The following HLA-DQA1 variants were observed in gnomAD, a reference collection of about 807,000 sequenced individuals.
HLA-DQA1 encodes the protein HLA class II histocompatibility antigen, DQ alpha 1 chain.
In HLA-DQA1, 10 loss-of-function variants were observed where a neutral mutation model predicts 20.7. That is an observed-to-expected ratio of 0.48 (90% confidence interval 0.30 to 0.82). HLA-DQA1 has a LOEUF of 0.82. HLA-DQA1 is among the 40% of genes least tolerant of loss of function. The probability of loss-of-function intolerance (pLI) is 0.07; values close to 1 mark genes in which losing one functional copy is unlikely to be tolerated. For missense variants in HLA-DQA1, 127 were observed against 293.0 expected (o/e 0.43, Z 4.14); for synonymous variants, 39 against 109.2 (o/e 0.36, Z 4.01).
chr6:32,653,409 G>A, the HLA-DQA1 span, among the ~76,000 whole-genome samples: 3 of 94,070 alleles, frequency 3.2e-5, 1 homozygote, highest in Non-Finnish European at 4.7e-5. Flanking sequence ...GACTACAGGT[G>A]TGTGCCACCA....
Position 32,637,429 on chromosome 6 carries a change from A to C in HLA-DQA1, c.-30A>C. ...TCACAATTACTCTACAGCTCAGAAC[A>C]CCAACTGCTGAGGCTGCCTTGGGAA... On this transcript the variant is annotated 5_prime_UTR_variant, in exon 1 of 5. Coordinates refer to ENST00000343139, the MANE Select transcript of HLA-DQA1 (RefSeq NM_002122.5). 9.4e-7 allele frequency: 1 copy of C among 1,064,416 alleles called. No individual in the cohort carries two copies. Among genetic ancestry groups the C allele is most frequent in the Non-Finnish European group, 1.3e-6 (1 of 751,764 alleles). 65.9% of individuals were successfully genotyped at this position (1,064,416 alleles called of 1,614,324 possible).
the HLA-DQA1 span, among the ~76,000 whole-genome samples, chr6:32,652,941 T>C: frequency 2.0e-5 from 3 of 150,618 alleles, no homozygotes; most frequent in Non-Finnish European, 4.4e-5. Flanking sequence ...TCTGAAGCTG[T>C]AAGAGCCTTT....
downstream of HLA-DQA1, chr6:32,644,865 A>G (rs2150977869): frequency 7.4e-6 from 1 of 135,704 alleles, no homozygotes; most frequent in Non-Finnish European, 1.6e-5. Context: ...TGTTTATTCA[A>G]GGTATATCAT....
At chr6:32,649,346 TAGCAAAAAGAACAA>T (rs1238450796), downstream of HLA-DQA1, among the ~76,000 whole-genome samples, 43 of 96,814 alleles carry the variant, frequency 4.4e-4, 12 homozygotes, top group African/African-American at 1.4e-3. Context: ...GCTTAAAGCT[TAGCAAAAAGAACAA>T]AGCAAAAAGA....
At chr6:32,644,311 G>A (rs9273055), downstream of HLA-DQA1, 1 of 151,868 alleles carries the variant, frequency 6.6e-6, no homozygotes, top group Admixed American at 6.6e-5. Flanking sequence ...ATTTTAATTG[G>A]AGAAAAAATA....
At chr6:32,652,270 A>G in the HLA-DQA1 span, among the ~76,000 whole-genome samples, 2 of 70,386 alleles carry the variant, frequency 2.8e-5, 1 homozygote, top group South Asian at 9.4e-4. Context: ...ACAGAGGGAG[A>G]CTCCATCTCA....
chr6:32,645,373 C>T (rs1171942644), downstream of HLA-DQA1: 1 of 142,388 alleles, frequency 7.0e-6, no homozygotes, highest in Admixed American at 7.3e-5. Flanking sequence ...GAAACTATTC[C>T]ACCTCAGATC....
At chr6:32,642,912 C>G (rs9272843) in intron 4 of HLA-DQA1, 40 bp from the exon 5 acceptor site, 166,395 of 641,322 alleles carry the variant, frequency 0.26, 48,325 homozygotes, top group South Asian at 0.26. Context: ...GACACAGGAG[C>G]CCCCTCGGAC....
downstream of HLA-DQA1, chr6:32,646,874 G>GAGAAAGAAGAGAAGAGAAGGGAAGGGA (rs1554158131): frequency 2.2e-5 from 1 of 45,184 alleles, no homozygotes; most frequent in African/African-American, 7.3e-5. Flanking sequence ...TCAAGAGAGA[G>GAGAAAGAAGAGAAGAGAAGGGAAGGGA]AGAGAAGAGA....
At chr6:32,643,885 C>G (rs9273015), downstream of HLA-DQA1, 7 of 150,606 alleles carry the variant, frequency 4.6e-5, no homozygotes, top group Non-Finnish European at 7.4e-5. Context: ...GAGTAGAAGC[C>G]ACAGACATAT....
downstream of HLA-DQA1, among the ~76,000 whole-genome samples, chr6:32,648,399 C>G (rs1328894227): frequency 1.0e-4 from 10 of 96,042 alleles, 3 homozygotes; most frequent in African/African-American, 3.6e-4. Context: ...ACTGGCAAAC[C>G]AAATCCAGCA....
At chr6:32,638,522 T>G (rs77547678) in intron 1 of HLA-DQA1, among the ~76,000 whole-genome samples, 11,671 of 91,220 alleles carry the variant, frequency 0.13, 3,356 homozygotes, top group South Asian at 0.28. Flanking sequence ...AAAAGAAAAA[T>G]AAAAATTAGC....
downstream of HLA-DQA1, among the ~76,000 whole-genome samples, chr6:32,648,236 A>G (rs1284802777): frequency 1.0e-5 from 1 of 98,552 alleles, no homozygotes; most frequent in Non-Finnish European, 2.3e-5. Context: ...GAGAAAGCTC[A>G]TGTAACAGCA....
chr6:32,642,264 G>A lies in HLA-DQA1; in HGVS notation c.613+11G>A, dbSNP rs749486344. ...TTCTGAAACACTGGGGTAAGGATGAGTTTCATCATTTTTTGATTCTTTCTT... is the reference window on the plus strand; with the variant it reads ...TTCTGAAACACTGGGGTAAGGATGAATTTCATCATTTTTTGATTCTTTCTT... On this transcript the variant is annotated intron_variant, in intron 3 of 4. Transcript: ENST00000343139. 26 of 1,353,150 alleles carry A rather than the reference G, an allele frequency of 1.9e-5. 1 individual carries two copies. Among genetic ancestry groups the A allele is most frequent in the Non-Finnish European group, 2.7e-5 (26 of 977,210 alleles). The allele number at this position is 1,353,150 out of a possible 1,614,324, so 83.8% of individuals were successfully genotyped here.
intron 1 of HLA-DQA1, chr6:32,638,869 T>C (rs28383356): frequency 0.23 from 57,409 of 252,628 alleles, 13,487 homozygotes; most frequent in Admixed American, 0.36. Context: ...TCCATCTCTT[T>C]CCACCTCTCT....
Position 32,642,432 on chromosome 6 carries a change from C to T in HLA-DQA1, c.614-178C>T, listed in dbSNP as rs372722626. On this transcript the variant is annotated intron_variant, in intron 3 of 4. Transcript: ENST00000343139. The stretch of plus-strand genomic sequence containing the variant: ...CAGAGATTTATTGAAAATGAAAGTA[C>T]ACTCTACAGGATGGGAGTGGGCCTG... 1.2e-5 allele frequency: 8 copies of T among 655,120 alleles called. 2 individuals are homozygous for T. In the East Asian group the frequency reaches 2.2e-4, roughly 18 times the overall value. The allele number at this position is 655,120 out of a possible 1,614,324, so 40.6% of individuals were successfully genotyped here. A position where few individuals can be genotyped will look rare whatever the true frequency, so the allele number is the denominator to read the frequency against.
At position 32,642,825 on chromosome 6, in the gene HLA-DQA1, A is replaced by C; in HGVS notation, c.*20+41A>C. 2 of 1,005,290 alleles carry C rather than the reference A, an allele frequency of 2.0e-6. 1 individual carries two copies. The highest frequency in any genetic ancestry group is 2.8e-6 in the Non-Finnish European group (2 of 709,488). 62.3% of individuals were successfully genotyped at this position (1,005,290 alleles called of 1,614,324 possible). A position where few individuals can be genotyped will look rare whatever the true frequency, so the allele number is the denominator to read the frequency against. ...GTTACAGTTGAAGCGGCAGTATGAA[A>C]GGAAGGAAAGTGGGAGGGCGTTGTG... On this transcript the variant is annotated intron_variant, in intron 4 of 4. Coordinates refer to ENST00000343139, the MANE Select transcript of HLA-DQA1 (RefSeq NM_002122.5).
the HLA-DQA1 span, among the ~76,000 whole-genome samples, chr6:32,653,139 A>T: frequency 0.14 from 17,471 of 126,658 alleles, 1,339 homozygotes; most frequent in Middle Eastern, 0.34. Context: ...GCAATGAGAG[A>T]ATAAATCCTT....
chr6:32,643,405 T>G lies in HLA-DQA1; in HGVS notation c.*474T>G. ...GTAACACAGAAGCCACCAAGTACAGTATAGCCTGATAATATGTTGATTTCT... is the reference window on the plus strand; with the variant it reads ...GTAACACAGAAGCCACCAAGTACAGGATAGCCTGATAATATGTTGATTTCT... On this transcript the variant is annotated 3_prime_UTR_variant, in exon 5 of 5. Coordinates refer to ENST00000343139, the MANE Select transcript of HLA-DQA1 (RefSeq NM_002122.5). The G allele has an allele frequency of 3.9e-6, 1 of 253,458 alleles. No individual in the cohort carries two copies. Among genetic ancestry groups the G allele is most frequent in the Non-Finnish European group, 7.9e-6 (1 of 126,170 alleles). The allele number at this position is 253,458 out of a possible 1,614,324, so 15.7% of individuals were successfully genotyped here. A position where few individuals can be genotyped will look rare whatever the true frequency, so the allele number is the denominator to read the frequency against.
Sources: allele counts gnomAD v4.1 joint callset (sites outside exome capture counted in the v4.1 genomes callset), GRCh38; gene constraint gnomAD v4.1.1; transcripts MANE v1.5; gene names NCBI Gene and HGNC (gene_info 2026-07-23, HGNC 2026-07-21).